Variants in CACNA1D observed in about 807,000 individuals in gnomAD.
The protein encoded by CACNA1D is calcium voltage-gated channel subunit alpha1 D.
Under a neutral mutation model 257.1 loss-of-function variants are expected in CACNA1D, and 55 were observed. That is an observed-to-expected ratio of 0.21 (90% confidence interval 0.17 to 0.27). The LOEUF (loss-of-function observed/expected upper bound fraction) is 0.27. Ranked by LOEUF, CACNA1D falls within the 10% of genes least tolerant of loss-of-function variation. CACNA1D has a pLI of 1.00. For missense variants in CACNA1D, 1,876 were observed against 2,784.0 expected (o/e 0.67, Z 7.34); for synonymous variants, 980 against 1,014.9 (o/e 0.97, Z 0.65).
At chr3:53,679,797 C>T (rs2108454932) in intron 8 of CACNA1D, 2 of 152,302 alleles carry the variant, frequency 1.3e-5, no homozygotes, top group South Asian at 4.1e-4. Flanking sequence ...TGGATGTCCC[C>T]TTTTCTGAAC....
intron 3 of CACNA1D, among the ~76,000 whole-genome samples, chr3:53,528,651 T>G (rs187340253): frequency 1.3e-5 from 2 of 152,350 alleles, no homozygotes; most frequent in Admixed American, 1.3e-4. Flanking sequence ...ACATTGAGTC[T>G]TCTAATCACT....
rs190737074 is a variant in CACNA1D, at chr3:53,595,939, G to A, written c.484-54840G>A. ...ATAGCAAAATGTGTTATTAAATTATGGCATCTGTTGTCAACAACCGGTTTA... is the reference window on the plus strand; with the variant it reads ...ATAGCAAAATGTGTTATTAAATTATAGCATCTGTTGTCAACAACCGGTTTA... On this transcript the variant is annotated intron_variant, in intron 3 of 47. Transcript: ENST00000350061. Among the ~76,000 whole-genome samples the A allele has an allele frequency of 3.3e-5, 5 of 152,160 alleles. No individual in the cohort carries two copies. The East Asian group carries it at 7.7e-4, about 23-fold the overall frequency.
At chr3:53,589,786 A>C (rs1161467608) in intron 3 of CACNA1D, among the ~76,000 whole-genome samples, 1 of 152,046 alleles carries the variant, frequency 6.6e-6, no homozygotes, top group Admixed American at 6.6e-5. Flanking sequence ...TGTTTTGGCA[A>C]AACCATATGG....
rs184098644 is a variant in CACNA1D at position 53,545,949 on chromosome 3, A to C, written c.483+44229A>C. 1.5e-3 allele frequency among the ~76,000 whole-genome samples: 228 copies of C among 152,278 alleles called. 1 individual carries two copies. The highest frequency in any genetic ancestry group is 5.0e-3 in the African/African-American group (209 of 41,556). ...TATAAAGCAATTACAGAATCACGGG[A>C]AAATAGGCAGTAGCAGTGTGAATCA... is the stretch of plus-strand genomic sequence containing the variant. On this transcript the variant is annotated intron_variant, in intron 3 of 47. Transcript: ENST00000350061.
chr3:53,739,411 G>A (rs950025185), intron 20 of CACNA1D, among the ~76,000 whole-genome samples: 1 of 152,166 alleles, frequency 6.6e-6, no homozygotes, highest in African/African-American at 2.4e-5. Context: ...AGAAGCTCCT[G>A]GTGAGCAGCT....
At chr3:53,731,188 G>A (rs769659479) in intron 17 of CACNA1D, 42 bp downstream of exon 17, 2 of 1,175,558 alleles carry the variant, frequency 1.7e-6, no homozygotes, top group Admixed American at 3.4e-5. Flanking sequence ...GTTTCAAAAT[G>A]ATCCTGTTGA....
At chr3:53,584,315 G>A (rs72966323) in intron 3 of CACNA1D, among the ~76,000 whole-genome samples, 5,268 of 152,294 alleles carry the variant, frequency 0.035, 281 homozygotes, top group African/African-American at 0.12. Flanking sequence ...ATTAGCACAA[G>A]GTAGCATGAA....
At chr3:53,564,838 G>A (rs1157275373) in intron 3 of CACNA1D, among the ~76,000 whole-genome samples, 1 of 152,194 alleles carries the variant, frequency 6.6e-6, no homozygotes, top group African/African-American at 2.4e-5. Flanking sequence ...GCCAGGACTT[G>A]AACCAAAGCT....
At chr3:53,675,022 C>CA (rs1202145826) in intron 8 of CACNA1D, among the ~76,000 whole-genome samples, 1 of 152,262 alleles carries the variant, frequency 6.6e-6, no homozygotes, top group Admixed American at 6.5e-5. Context: ...GAGCAGAAAG[C>CA]AGAGTGCGTT....
intron 9 of CACNA1D, among the ~76,000 whole-genome samples, chr3:53,703,821 C>T (rs2108597342): frequency 6.6e-6 from 1 of 152,240 alleles, no homozygotes; most frequent in South Asian, 2.1e-4. Flanking sequence ...GGAGTGCTGC[C>T]TCCTAGGGAG....
chr3:53,761,609 A>G (rs1436500118), intron 29 of CACNA1D, among the ~76,000 whole-genome samples: 1 of 152,192 alleles, frequency 6.6e-6, no homozygotes, highest in Admixed American at 6.5e-5. Flanking sequence ...AGTGGGGTGA[A>G]TGGAGATTCT....
At chr3:53,570,774 G>A (rs2092928737) in intron 3 of CACNA1D, among the ~76,000 whole-genome samples, 2 of 152,370 alleles carry the variant, frequency 1.3e-5, no homozygotes, top group South Asian at 2.1e-4. Flanking sequence ...TATGTGGTAA[G>A]TGCCAAATGA....
At chr3:53,567,100 G>A (rs907881018) in intron 3 of CACNA1D, among the ~76,000 whole-genome samples, 29 of 152,186 alleles carry the variant, frequency 1.9e-4, no homozygotes, top group Non-Finnish European at 4.0e-4. Flanking sequence ...GTCTTATGGA[G>A]ACGATAATCT....
At chr3:53,573,507 T>G (rs996755873) in intron 3 of CACNA1D, among the ~76,000 whole-genome samples, 6 of 152,234 alleles carry the variant, frequency 3.9e-5, no homozygotes, top group Non-Finnish European at 7.3e-5. Flanking sequence ...TGACGCTAGC[T>G]CTGGTCCCAG....
At chr3:53,579,198 G>C (rs1217854909) in intron 3 of CACNA1D, among the ~76,000 whole-genome samples, 9 of 152,246 alleles carry the variant, frequency 5.9e-5, no homozygotes, top group Non-Finnish European at 5.9e-5. Flanking sequence ...GTAAGCTAAA[G>C]CTGACATTGG....
At chr3:53,689,101 G>A (rs1018618800) in intron 8 of CACNA1D, among the ~76,000 whole-genome samples, 4 of 152,212 alleles carry the variant, frequency 2.6e-5, no homozygotes, top group Non-Finnish European at 5.9e-5. Context: ...TAGGAGCACA[G>A]CAGAGGGTTG....
intron 8 of CACNA1D, among the ~76,000 whole-genome samples, chr3:53,688,400 A>G (rs1479021084): frequency 2.0e-5 from 3 of 152,196 alleles, no homozygotes; most frequent in African/African-American, 4.8e-5. Flanking sequence ...TGGTCAGTAT[A>G]CTTCACGTTT....
At position 53,775,943 on chromosome 3, in the gene CACNA1D, C is replaced by A; in HGVS notation, c.4260C>A (p.Leu1420=). 1 of 1,614,122 alleles carries A rather than the reference C, an allele frequency of 6.2e-7. No individual in the cohort carries two copies. The highest frequency in any genetic ancestry group is 2.2e-5 in the East Asian group (1 of 44,892). The change falls in exon 35 of 48, where the codon CTC becomes CTA. Residue 1420 remains leucine (L), a synonymous_variant. Transcript: ENST00000350061. ...EIMLACLPGK[L]CDPESDYNPG... ...TGCTGGCCTGTCTCCCAGGGAAGCT[C>A]TGTGACCCTGAGTCAGATTACAACC...
chr3:53,733,930 T>TTGTGTGTG (rs397961374), intron 19 of CACNA1D, among the ~76,000 whole-genome samples: 1,474 of 134,014 alleles, frequency 0.011, 27 homozygotes, highest in African/African-American at 0.036. Flanking sequence ...GTGTGTGTGT[T>TTGTGTGTG]TGTGTGTGTG....
Sources: gnomAD v4.1 joint callset for allele counts (sites outside exome capture counted in the v4.1 genomes callset) on GRCh38, gnomAD v4.1.1 for gene constraint, MANE v1.5 for transcripts, NCBI Gene and HGNC (gene_info 2026-07-23, HGNC 2026-07-21) for gene names.